Variants in BIN1 observed in about 807,000 individuals in gnomAD.
BIN1 encodes the protein bridging integrator 1.
In BIN1, 53 loss-of-function variants were observed where a neutral mutation model predicts 82.0. The ratio of observed to expected loss-of-function variants is 0.65; its 90% CI spans 0.52 to 0.81. The LOEUF (loss-of-function observed/expected upper bound fraction) is 0.81, where lower values mean the gene tolerates loss of function less well. Among genes scored for constraint, BIN1 ranks in the 40% least tolerant of loss-of-function variants. The pLI, the probability that BIN1 is intolerant of heterozygous loss-of-function variation, is 0.00. For missense variants in BIN1, 642 were observed against 784.4 expected, an observed-to-expected ratio of 0.82 and a Z score of 2.17; for synonymous variants, 302 against 328.0, an observed-to-expected ratio of 0.92 and a Z score of 0.86.
At chr2:127,054,135 T>C (rs1301341928) in intron 12 of BIN1, 123 bp from the exon 13 acceptor site, 6 of 766,212 alleles carry the variant, frequency 7.8e-6, no homozygotes, top group East Asian at 5.6e-5. Context: ...ACACCACGCA[T>C]GCAGAGCAAG....
At position 127,064,135 on chromosome 2, in the gene BIN1, C is replaced by T. The variant is rs564782093; in HGVS notation, c.613-117G>A. The T allele has an allele frequency of 4.0e-4, 477 of 1,189,162 alleles. 2 individuals carry two copies. In the African/African-American group the frequency reaches 5.8e-3, roughly 14 times the overall value. 73.7% of individuals were successfully genotyped at this position (1,189,162 alleles called of 1,614,324 possible). A position where few individuals can be genotyped will look rare whatever the true frequency, so the allele number is the denominator to read the frequency against. ...GGCCAGTGCGCTGGGACCAGGGCTC[C>T]GGGCAAGACAGAGGCTGAACTGGAT... On this transcript the variant is annotated intron_variant, in intron 7 of 18. Transcript: ENST00000316724.
At position 127,052,345 on chromosome 2, in the gene BIN1, G is replaced by A. The variant is rs373834859; in HGVS notation, c.1281C>T (p.Ala427=). The A allele has an allele frequency of 5.2e-5, 82 of 1,582,472 alleles. No homozygotes were observed. The highest frequency in any genetic ancestry group is 2.7e-4 in the South Asian group (23 of 86,710). The change falls in exon 15 of 19, where the codon GCC becomes GCT. Residue 427 remains alanine, a synonymous_variant. Transcript: ENST00000316724. ...TGGGCTCCCCGGAAGGCAGGCTGCC[G>A]GCTGGACTCTCTGTGGGCTGGTAAC... The part of the protein sequence containing the change: ...WDLWEPTESP[A]GSLPSGEPSA...
At position 127,059,160 on chromosome 2, in the gene BIN1, G is replaced by C. The variant is rs75328896; in HGVS notation, c.858-5C>G. 4 of 1,571,048 alleles carry C rather than the reference G, an allele frequency of 2.5e-6. No homozygotes were observed. Among genetic ancestry groups the C allele is most frequent in the Non-Finnish European group, 3.5e-6 (4 of 1,158,520 alleles). On this transcript the variant is annotated splice_polypyrimidine_tract_variant and splice_region_variant and intron_variant, in intron 10 of 18. Transcript: ENST00000316724. This position sits in a 1 kb window ranked among gnomAD's most constrained non-coding sequence, Gnocchi z 6.7. Reference sequence around the variant, plus strand: ...CCTTTTGCAGGCGCGTTGTCACTGTGGGGGAGGACAAGAAAGGGAGCCCAG... The same window carrying C: ...CCTTTTGCAGGCGCGTTGTCACTGTCGGGGAGGACAAGAAAGGGAGCCCAG...
At chr2:127,052,011 C>A (rs1469588194) in intron 15 of BIN1, among the ~76,000 whole-genome samples, 1 of 152,256 alleles carries the variant, frequency 6.6e-6, no homozygotes, top group African/African-American at 2.4e-5. Context: ...AATGCTCCTC[C>A]TGCGCTGGGA....
intron 11 of BIN1, among the ~76,000 whole-genome samples, chr2:127,058,786 G>A (rs1012369954): frequency 3.3e-5 from 5 of 152,080 alleles, no homozygotes; most frequent in Non-Finnish European, 7.4e-5. Flanking sequence ...GTGGGGGTGG[G>A]GGCTGGGGAG....
intron 4 of BIN1, among the ~76,000 whole-genome samples, 191 bp from the exon 5 acceptor site, chr2:127,070,281 C>G (rs1208145402): frequency 6.6e-6 from 1 of 152,158 alleles, no homozygotes; most frequent in Non-Finnish European, 1.5e-5. Flanking sequence ...GGATCAGATA[C>G]GCTGAGGACT....
In BIN1 at chr2:127,048,479, G is replaced by A. The variant is rs747059536; in HGVS notation, c.*47C>T. 6.2e-5 allele frequency: 95 copies of A among 1,528,818 alleles called. No homozygotes were observed. Among genetic ancestry groups the A allele is most frequent in the South Asian group, 1.1e-4 (10 of 89,132 alleles). 94.7% of individuals were successfully genotyped at this position (1,528,818 alleles called of 1,614,324 possible). A position where few individuals can be genotyped will look rare whatever the true frequency, so the allele number is the denominator to read the frequency against. ...CAAAAAAAAGAACCACACATTTTTCGGGAGGAGGTGTTCTTCACACGCCCG... is the reference window on the plus strand; with the variant it reads ...CAAAAAAAAGAACCACACATTTTTCAGGAGGAGGTGTTCTTCACACGCCCG... On this transcript the variant is annotated 3_prime_UTR_variant, in exon 19 of 19. Coordinates refer to ENST00000316724, the MANE Select transcript of BIN1 (RefSeq NM_139343.3).
chr2:127,100,651 G>T (rs1423556882), intron 1 of BIN1, among the ~76,000 whole-genome samples: 1 of 152,300 alleles, frequency 6.6e-6, no homozygotes, highest in East Asian at 1.9e-4. Context: ...ATTTGACAAG[G>T]GCTTCCCTGT....
chr2:127,106,580 C>A (rs1681159278), intron 1 of BIN1, among the ~76,000 whole-genome samples: 1 of 152,168 alleles, frequency 6.6e-6, no homozygotes, highest in African/African-American at 2.4e-5. Context: ...TGGAGCAGGG[C>A]CGGCCACTGC....
chr2:127,050,693 G>C, intron 17 of BIN1, 109 bp downstream of exon 17: 1 of 1,384,846 alleles, frequency 7.2e-7, no homozygotes, highest in South Asian at 1.2e-5. Context: ...GAGTGACCTA[G>C]TAGCGCCTGC....
intron 14 of BIN1, chr2:127,052,766 CA>C (rs1683130721): frequency 7.1e-6 from 2 of 281,558 alleles, no homozygotes; most frequent in African/African-American, 2.2e-5. Flanking sequence ...CTGCCTGTAT[CA>C]GGGGGTCTCA....
chr2:127,103,804 C>A (rs1285686284), intron 1 of BIN1, among the ~76,000 whole-genome samples: 3 of 152,226 alleles, frequency 2.0e-5, no homozygotes, highest in Non-Finnish European at 2.9e-5. Context: ...TCTTCTGAGG[C>A]CCAAAAATGG....
chr2:127,069,141 C>A (rs1002014069), intron 5 of BIN1, 110 bp from the exon 6 acceptor site: 15 of 1,002,130 alleles, frequency 1.5e-5, no homozygotes, highest in Non-Finnish European at 2.0e-5. Context: ...CCCAGCTCCA[C>A]AGGAACCCTT....
In BIN1 at chr2:127,068,871, C is replaced by G. The variant is rs1341756364; in HGVS notation, c.519+53G>C. 1.3e-6 allele frequency: 2 copies of G among 1,539,636 alleles called. No homozygotes were observed. Among genetic ancestry groups the G allele is most frequent in the East Asian group, 2.2e-5 (1 of 44,500 alleles). On this transcript the variant is annotated intron_variant, in intron 6 of 18. Coordinates refer to ENST00000316724, the MANE Select transcript of BIN1 (RefSeq NM_139343.3). The surrounding 1 kb of genome is among the most constrained non-coding windows in gnomAD (Gnocchi z 4.9). The stretch of plus-strand genomic sequence containing the variant: ...CTCCACCCTCGGGGTCCTAGACACC[C>G]GCCCTCTCTCAGCCCCCTGCAGACG...
chr2:127,081,804 GACCCCAGAAAAC>G (rs1687324186), intron 1 of BIN1: 1 of 1,286,712 alleles, frequency 7.8e-7, no homozygotes, highest in Non-Finnish European at 1.0e-6. Flanking sequence ...CAGCTGCTGA[GACCCCAGAAAAC>G]GCATAAGGCC....
Position 127,048,113 on chromosome 2 carries a change from C to T in BIN1, c.*413G>A, listed in dbSNP as rs886054829. On this transcript the variant is annotated 3_prime_UTR_variant, in exon 19 of 19. Transcript: ENST00000316724. ...TTTCAAACAGCACACAGACCGTCTGCGGGGCAGAGCCAGGCTAGGCTGGTG... is the reference window on the plus strand; with the variant it reads ...TTTCAAACAGCACACAGACCGTCTGTGGGGCAGAGCCAGGCTAGGCTGGTG... 10 of 278,088 alleles carry T rather than the reference C, an allele frequency of 3.6e-5. 1 individual carries two copies. Among genetic ancestry groups the T allele is most frequent in the Non-Finnish European group, 7.0e-5 (10 of 143,102 alleles). The allele number at this position is 278,088 out of a possible 1,614,324, so 17.2% of individuals were successfully genotyped here.
At chr2:127,050,306 T>A (rs184036842) in intron 18 of BIN1, 115 bp downstream of exon 18, 3 of 1,099,248 alleles carry the variant, frequency 2.7e-6, no homozygotes, top group African/African-American at 1.6e-5. Context: ...GCGGGAGCCC[T>A]GGTGCTCGCG....
intron 2 of BIN1, among the ~76,000 whole-genome samples, chr2:127,071,154 C>T (rs1174665089): frequency 6.6e-6 from 1 of 152,170 alleles, no homozygotes; most frequent in Non-Finnish European, 1.5e-5. Flanking sequence ...CAGTGTGCAG[C>T]AGCCCCGGCA....
At chr2:127,085,703 G>A (rs899480595) in intron 1 of BIN1, among the ~76,000 whole-genome samples, 1 of 152,198 alleles carries the variant, frequency 6.6e-6, no homozygotes, top group Non-Finnish European at 1.5e-5. Flanking sequence ...AGCACCTCTG[G>A]GGGAATGGGG....
Sources: allele counts gnomAD v4.1 joint callset (sites outside exome capture counted in the v4.1 genomes callset), GRCh38; gene constraint gnomAD v4.1.1; non-coding constraint Gnocchi (gnomAD v3.1); transcripts MANE v1.5; gene names NCBI Gene and HGNC (gene_info 2026-07-23, HGNC 2026-07-21).